The following LINGO2 variants were observed in gnomAD, a reference collection of about 807,000 sequenced individuals.
LINGO2 encodes leucine-rich repeat and immunoglobulin-like domain-containing nogo receptor-interacting protein 2.
A neutral mutation model predicts 30.6 loss-of-function variants in LINGO2; 14 were observed. The observed-to-expected ratio is 0.46, with a 90% CI of 0.30 to 0.72. LINGO2 has a LOEUF of 0.72. Among genes scored for constraint, LINGO2 ranks in the 30% least tolerant of loss-of-function variants. LINGO2 has a pLI of 0.07. For missense variants in LINGO2, 729 were observed against 751.7 expected (o/e 0.97, Z 0.35); for synonymous variants, 317 against 288.5 (o/e 1.10, Z -1.00).
At chr9:28,971,592 C>A in the LINGO2 span, among the ~76,000 whole-genome samples, 1 of 152,284 alleles carries the variant, frequency 6.6e-6, no homozygotes, top group Admixed American at 6.5e-5. Flanking sequence ...GAGACTGCAT[C>A]TTGTGGTTTG....
chr9:28,199,996 G>C (rs62560778), intron 4 of LINGO2, among the ~76,000 whole-genome samples: 1 of 56,484 alleles, frequency 1.8e-5, no homozygotes, highest in African/African-American at 4.7e-5. Flanking sequence ...ACTTCATTTA[G>C]GAAAAAAAAA....
intron 4 of LINGO2, among the ~76,000 whole-genome samples, chr9:28,105,675 A>G (rs1011364909): frequency 1.3e-5 from 2 of 151,998 alleles, no homozygotes; most frequent in Admixed American, 6.6e-5. Context: ...GTGGAGTCCT[A>G]ATTAAATTGC....
the LINGO2 span, among the ~76,000 whole-genome samples, chr9:29,092,275 A>G: frequency 4.4e-4 from 67 of 152,026 alleles, no homozygotes; most frequent in African/African-American, 1.6e-3. Context: ...GCTGGGCTCC[A>G]AAGTTTGTGT....
At chr9:28,709,742 A>G in the LINGO2 span, among the ~76,000 whole-genome samples, 21 of 151,872 alleles carry the variant, frequency 1.4e-4, no homozygotes, top group Non-Finnish European at 2.9e-4. Context: ...TTATATATGT[A>G]TACTAATAAT....
the LINGO2 span, among the ~76,000 whole-genome samples, chr9:29,146,374 CA>C: frequency 7.2e-6 from 1 of 139,476 alleles, no homozygotes; most frequent in East Asian, 2.4e-4. Context: ...AACAAACAAA[CA>C]AAAAAAAACC....
At chr9:28,680,876 T>C in the LINGO2 span, among the ~76,000 whole-genome samples, 14 of 152,218 alleles carry the variant, frequency 9.2e-5, no homozygotes, top group African/African-American at 3.1e-4. Flanking sequence ...ATTAAACCCT[T>C]GTCAGATATG....
chr9:29,111,475 A>AAT, the LINGO2 span, among the ~76,000 whole-genome samples: 1 of 151,974 alleles, frequency 6.6e-6, no homozygotes, highest in African/African-American at 2.4e-5. Context: ...GCTAGTTTGA[A>AAT]ATATATATAT....
the LINGO2 span, among the ~76,000 whole-genome samples, chr9:29,008,689 A>AT: frequency 6.6e-6 from 1 of 152,110 alleles, no homozygotes; most frequent in Non-Finnish European, 1.5e-5. Flanking sequence ...GATGATGAGC[A>AT]TTTTTTCATG....
the LINGO2 span, among the ~76,000 whole-genome samples, chr9:29,110,837 C>CG: frequency 6.6e-6 from 1 of 151,840 alleles, no homozygotes; most frequent in African/African-American, 2.4e-5. Context: ...ACTACAGGCG[C>CG]TCGCCACCAC....
At chr9:28,029,700 T>TTAGTCAAAACTAATAA (rs1247380326) in intron 4 of LINGO2, among the ~76,000 whole-genome samples, 1 of 152,224 alleles carries the variant, frequency 6.6e-6, no homozygotes, top group Admixed American at 6.5e-5. Context: ...AAAACTAATA[T>TTAGTCAAAACTAATAA]GTGAAAATTG....
intron 3 of LINGO2, among the ~76,000 whole-genome samples, chr9:28,347,096 T>C (rs976118311): frequency 1.3e-5 from 2 of 152,188 alleles, no homozygotes; most frequent in African/African-American, 4.8e-5. Flanking sequence ...ATGTTTTATA[T>C]TCTTTCCCAA....
chr9:29,092,103 A>G, the LINGO2 span, among the ~76,000 whole-genome samples: 1 of 152,032 alleles, frequency 6.6e-6, no homozygotes, highest in Non-Finnish European at 1.5e-5. Flanking sequence ...CCACTTTGCT[A>G]GAATCTGTGC....
At chr9:28,035,785 A>C (rs552182059) in intron 4 of LINGO2, among the ~76,000 whole-genome samples, 2 of 152,292 alleles carry the variant, frequency 1.3e-5, no homozygotes, top group South Asian at 4.1e-4. Flanking sequence ...GTATTTTAGT[A>C]GAAAGGTGCT....
chr9:28,359,713 T>C (rs1358708454), intron 3 of LINGO2, among the ~76,000 whole-genome samples: 3 of 152,174 alleles, frequency 2.0e-5, no homozygotes, highest in Non-Finnish European at 4.4e-5. Context: ...CACAGTTACA[T>C]ACCCAATGTG....
At chr9:28,880,683 C>T in the LINGO2 span, among the ~76,000 whole-genome samples, 1 of 152,160 alleles carries the variant, frequency 6.6e-6, no homozygotes, top group African/African-American at 2.4e-5. Context: ...AGGAAAGCCT[C>T]TTGCAGTTGA....
chr9:28,354,010 G>T (rs559705003), intron 3 of LINGO2, among the ~76,000 whole-genome samples: 1 of 152,284 alleles, frequency 6.6e-6, no homozygotes, highest in Admixed American at 6.5e-5. Flanking sequence ...TTGTGGGGTG[G>T]GTGAGGGGGC....
chr9:28,893,136 C>G, the LINGO2 span, among the ~76,000 whole-genome samples: 5 of 151,790 alleles, frequency 3.3e-5, no homozygotes, highest in Non-Finnish European at 5.9e-5. Flanking sequence ...AATCCAACAG[C>G]CTTCCTGGGA....
chr9:27,987,016 A>G (rs1821155368), intron 5 of LINGO2, among the ~76,000 whole-genome samples: 1 of 151,706 alleles, frequency 6.6e-6, no homozygotes, highest in African/African-American at 2.4e-5. Context: ...TTTTCACTCC[A>G]TCTCACTTAT....
chr9:28,746,623 G>A, the LINGO2 span, among the ~76,000 whole-genome samples: 1 of 151,976 alleles, frequency 6.6e-6, no homozygotes, highest in South Asian at 2.1e-4. Flanking sequence ...ACCTCTATGC[G>A]TTTCAGCTTT....
Sources: gnomAD v4.1 joint callset for allele counts (sites outside exome capture counted in the v4.1 genomes callset) on GRCh38, gnomAD v4.1.1 for gene constraint, MANE v1.5 for transcripts, NCBI Gene and HGNC (gene_info 2026-07-23, HGNC 2026-07-21) for gene names.